Variants in MRPL45 observed in about 807,000 individuals in gnomAD.
The protein encoded by MRPL45 is large ribosomal subunit protein mL45.
In MRPL45, 20 loss-of-function variants were observed where a neutral mutation model predicts 38.1. That is an observed-to-expected ratio of 0.53 (90% confidence interval 0.37 to 0.76). The LOEUF is 0.76. MRPL45 is among the 30% of genes least tolerant of loss of function. The probability of loss-of-function intolerance (pLI) is 0.00; values close to 1 mark genes in which losing one functional copy is unlikely to be tolerated. For synonymous variants in MRPL45, 105 were observed against 128.8 expected (o/e 0.82, Z 1.25); for missense variants, 337 against 395.6 (o/e 0.85, Z 1.26).
In MRPL45 at chr17:38,314,159, C is replaced by T. The variant is rs543478935; in HGVS notation, c.462-4528C>T. Among the ~76,000 whole-genome samples, 39 of 152,112 alleles carry T rather than the reference C, an allele frequency of 2.6e-4. No homozygotes were observed. In the South Asian group the frequency reaches 6.2e-3, roughly 24 times the overall value. On this transcript the variant is annotated intron_variant, in intron 4 of 7. Transcript: ENST00000613675. ...TGCTCTTGAAGCCCAGGCTGGAGTG[C>T]AATGGCGTGATCTCGGCTCACCGCA...
intron 4 of MRPL45, among the ~76,000 whole-genome samples, chr17:38,316,375 A>G (rs1271336757): frequency 1.3e-5 from 2 of 151,984 alleles, no homozygotes; most frequent in Non-Finnish European, 2.9e-5. Flanking sequence ...TCTGTCTCCA[A>G]TGTGTTCACA....
At chr17:38,318,764 G>T in intron 5 of MRPL45, 29 bp downstream of exon 5, 2 of 1,529,996 alleles carry the variant, frequency 1.3e-6, no homozygotes, top group Non-Finnish European at 1.8e-6. Flanking sequence ...TAGAACTGTG[G>T]GGTGACTGAG....
intron 3 of MRPL45, among the ~76,000 whole-genome samples, chr17:38,306,306 G>T (rs1178120880): frequency 6.6e-6 from 1 of 152,004 alleles, no homozygotes; most frequent in African/African-American, 2.4e-5. Context: ...CTACTCAGGA[G>T]GCTGAGGCAG....
At chr17:38,311,995 A>G (rs2037116793) in intron 4 of MRPL45, among the ~76,000 whole-genome samples, 1 of 151,554 alleles carries the variant, frequency 6.6e-6, no homozygotes, top group Non-Finnish European at 1.5e-5. Context: ...GATGTCTTCA[A>G]TGTTCATATA....
At chr17:38,321,017 C>T (rs2037224821) in intron 6 of MRPL45, among the ~76,000 whole-genome samples, 1 of 152,102 alleles carries the variant, frequency 6.6e-6, no homozygotes, top group Non-Finnish European at 1.5e-5. Context: ...CATTCTGTCA[C>T]CCAGGCTGGA....
intron 4 of MRPL45, among the ~76,000 whole-genome samples, chr17:38,310,195 T>C (rs1448005270): frequency 6.6e-6 from 1 of 151,158 alleles, no homozygotes; most frequent in East Asian, 1.9e-4. Context: ...ATCTAATTTC[T>C]TGAACATGCT....
rs187748881 is a variant in MRPL45 at position 38,306,438 on chromosome 17, T to G, written c.363-95T>G. 8.6e-5 allele frequency: 120 copies of G among 1,394,470 alleles called. No individual in the cohort carries two copies. In the East Asian group the frequency reaches 1.7e-3, roughly 20 times the overall value. The allele number at this position is 1,394,470 out of a possible 1,614,324, so 86.4% of individuals were successfully genotyped here. On this transcript the variant is annotated intron_variant, in intron 3 of 7. Coordinates refer to ENST00000613675, the MANE Select transcript of MRPL45 (RefSeq NM_032351.6). ...AAAAAAAAAAAAGCTAAACAGTTAT[T>G]GAGTAAGTGGATGGACATGAATGGA...
chr17:38,310,383 C>T (rs1330171148), intron 4 of MRPL45, among the ~76,000 whole-genome samples: 7 of 150,372 alleles, frequency 4.7e-5, no homozygotes, highest in Admixed American at 6.7e-5. Flanking sequence ...GGCTGGAGTG[C>T]AGTGGTGTGA....
intron 4 of MRPL45, among the ~76,000 whole-genome samples, chr17:38,313,334 A>ACGTATATATATATATATATACG (rs1491113572): frequency 6.2e-5 from 1 of 16,136 alleles, no homozygotes; most frequent in Non-Finnish European, 1.1e-4. Flanking sequence ...ATATATATAC[A>ACGTATATATATATATATATACG]TATATATATA....
At position 38,319,359 on chromosome 17, in the gene MRPL45, G is replaced by A. The variant is rs569983531; in HGVS notation, c.510+624G>A. Among the ~76,000 whole-genome samples, 9 of 151,924 alleles carry A rather than the reference G, an allele frequency of 5.9e-5. No individual in the cohort carries two copies. In the South Asian group the frequency reaches 1.9e-3, roughly 32 times the overall value. On this transcript the variant is annotated intron_variant, in intron 5 of 7. Transcript: ENST00000613675. Reference sequence around the variant, plus strand: ...CTAATTTTGTATTTTTAGTAGAGACGGGGTTTCTCCCGTTGGTCAGGCTGG... The same window carrying A: ...CTAATTTTGTATTTTTAGTAGAGACAGGGTTTCTCCCGTTGGTCAGGCTGG...
chr17:38,315,870 T>C (rs1265822175), intron 4 of MRPL45, among the ~76,000 whole-genome samples: 1 of 152,086 alleles, frequency 6.6e-6, no homozygotes, highest in East Asian at 1.9e-4. Flanking sequence ...CCTCCCAGGT[T>C]CAAGTGATTC....
Position 38,315,732 on chromosome 17 carries a change from A to C in MRPL45, c.462-2955A>C, listed in dbSNP as rs965023141. ...CAGATTTGGGATGTCTGCAGCCATTATTTCTTTTTCTTTCTTTTTTTTTTT... is the reference window on the plus strand; with the variant it reads ...CAGATTTGGGATGTCTGCAGCCATTCTTTCTTTTTCTTTCTTTTTTTTTTT... On this transcript the variant is annotated intron_variant, in intron 4 of 7. Transcript: ENST00000613675. Among the ~76,000 whole-genome samples, 29 of 139,704 alleles carry C rather than the reference A, an allele frequency of 2.1e-4. 1 individual carries two copies. Among genetic ancestry groups the C allele is most frequent in the African/African-American group, 6.3e-4 (24 of 37,924 alleles). 91.7% of individuals were successfully genotyped at this position (139,704 alleles called of 152,430 possible). A position where few individuals can be genotyped will look rare whatever the true frequency, so the allele number is the denominator to read the frequency against.
chr17:38,306,816 C>T (rs1184006210), intron 4 of MRPL45, among the ~76,000 whole-genome samples, 185 bp downstream of exon 4: 2 of 152,176 alleles, frequency 1.3e-5, no homozygotes, highest in South Asian at 2.1e-4. Flanking sequence ...TTTCACTCCC[C>T]TCTCTGCTTC....
intron 4 of MRPL45, among the ~76,000 whole-genome samples, chr17:38,309,491 A>G (rs1244713366): frequency 1.3e-5 from 2 of 150,954 alleles, no homozygotes; most frequent in East Asian, 3.9e-4. Context: ...AGCTGCACTC[A>G]AGCCACGACA....
In MRPL45 at chr17:38,318,746, A is replaced by C. The variant is rs759468044; in HGVS notation, c.510+11A>C. The C allele has an allele frequency of 1.9e-6, 3 of 1,598,026 alleles. No homozygotes were observed. Among genetic ancestry groups the C allele is most frequent in the Non-Finnish European group, 2.6e-6 (3 of 1,166,414 alleles). ...GAACACTGTTTTCCAGTAAGTTCTC[A>C]TCCTCCTTAGAACTGTGGGGTGACT... On this transcript the variant is annotated intron_variant, in intron 5 of 7. Transcript: ENST00000613675.
chr17:38,299,055 A>G (rs1181881475), intron 2 of MRPL45, among the ~76,000 whole-genome samples: 1 of 150,192 alleles, frequency 6.7e-6, no homozygotes, highest in Non-Finnish European at 1.5e-5. Context: ...ATGCCCGGCT[A>G]ATTTTTGTAT....
At chr17:38,307,893 G>A (rs2037070063) in intron 4 of MRPL45, among the ~76,000 whole-genome samples, 1 of 151,850 alleles carries the variant, frequency 6.6e-6, no homozygotes, top group Non-Finnish European at 1.5e-5. Flanking sequence ...TCGTGATGTT[G>A]CCCAGGCTGT....
At position 38,322,651 on chromosome 17, in the gene MRPL45, A is replaced by T; in HGVS notation, c.*56A>T. On this transcript the variant is annotated 3_prime_UTR_variant, in exon 8 of 8. Coordinates refer to ENST00000613675, the MANE Select transcript of MRPL45 (RefSeq NM_032351.6). ...GGTGATGAGGCTGCTGGAAGCTTTG[A>T]AGTCTCCCATTCCCCTCATGCTATA... 7.4e-7 allele frequency: 1 copy of T among 1,358,646 alleles called. No individual in the cohort carries two copies. 84.2% of individuals were successfully genotyped at this position (1,358,646 alleles called of 1,614,324 possible).
intron 4 of MRPL45, among the ~76,000 whole-genome samples, chr17:38,313,067 C>G (rs2037128750): frequency 7.3e-6 from 1 of 137,808 alleles, no homozygotes; most frequent in Non-Finnish European, 1.5e-5. Context: ...TCACTGCAAG[C>G]TCCGCCTGCC....
Sources: allele counts gnomAD v4.1 joint callset (sites outside exome capture counted in the v4.1 genomes callset), GRCh38; gene constraint gnomAD v4.1.1; transcripts MANE v1.5; gene names NCBI Gene and HGNC (gene_info 2026-07-23, HGNC 2026-07-21).